ACOT7: variants seen among roughly 807,000 people sequenced by gnomAD.
ACOT7 encodes the protein acyl-CoA thioesterase 7, also known as cytosolic acyl coenzyme A thioester hydrolase.
Under a neutral mutation model 40.2 loss-of-function variants are expected in ACOT7, and 12 were observed. That is an observed-to-expected ratio of 0.30 (90% CI 0.19 to 0.48). The LOEUF (loss-of-function observed/expected upper bound fraction) is 0.48, where lower values mean the gene tolerates loss of function less well. Ranked by LOEUF, ACOT7 falls within the 20% of genes least tolerant of loss-of-function variation. The pLI, the probability that ACOT7 is intolerant of heterozygous loss-of-function variation, is 0.99. For missense variants in ACOT7, 395 were observed against 530.8 expected (o/e 0.74, Z 2.51); for synonymous variants, 228 against 219.5 (o/e 1.04, Z -0.34).
chr1:6,313,650 C>T (rs1348005554), intron 6 of ACOT7, among the ~76,000 whole-genome samples: 2 of 152,184 alleles, frequency 1.3e-5, no homozygotes, highest in African/African-American at 4.8e-5. Context: ...AATATGCCCT[C>T]CACCCCTTTG....
chr1:6,286,269 C>T (rs1292998996), intron 7 of ACOT7, among the ~76,000 whole-genome samples: 1 of 152,196 alleles, frequency 6.6e-6, no homozygotes, highest in African/African-American at 2.4e-5. Context: ...TCCCACTGAG[C>T]GGGCGGATCA....
intron 1 of ACOT7, among the ~76,000 whole-genome samples, chr1:6,389,044 A>G (rs1642489375): frequency 7.2e-6 from 1 of 138,296 alleles, no homozygotes; most frequent in Non-Finnish European, 1.6e-5. Context: ...CCGTCTCAAG[A>G]AAAAAAAAAA....
At chr1:6,327,881 C>A (rs1640849416) in intron 4 of ACOT7, among the ~76,000 whole-genome samples, 3 of 152,256 alleles carry the variant, frequency 2.0e-5, no homozygotes, top group African/African-American at 7.2e-5. Flanking sequence ...TCAAGTGATT[C>A]TCCTGCCTCA....
chr1:6,346,480 G>A (rs763147781), intron 2 of ACOT7, among the ~76,000 whole-genome samples: 17 of 152,248 alleles, frequency 1.1e-4, no homozygotes, highest in African/African-American at 1.4e-4. Context: ...CAGCAAGTCC[G>A]AGAAGAAGCA....
chr1:6,265,553 C>T (rs116369918), intron 8 of ACOT7, among the ~76,000 whole-genome samples: 18 of 152,298 alleles, frequency 1.2e-4, no homozygotes, highest in African/African-American at 4.3e-4. Context: ...GGGTTCTGCC[C>T]AGGACGGTCC....
intron 2 of ACOT7, among the ~76,000 whole-genome samples, chr1:6,344,465 A>G (rs944858056): frequency 9.2e-5 from 14 of 152,162 alleles, no homozygotes; most frequent in African/African-American, 3.4e-4. Flanking sequence ...CCAGCTTAAC[A>G]TACTAAAGAA....
Position 6,278,464 on chromosome 1 carries a change from G to A in ACOT7, c.1014+2638C>T, listed in dbSNP as rs1488492207. Among the ~76,000 whole-genome samples, 1 of 152,172 alleles carries A rather than the reference G, an allele frequency of 6.6e-6. No individual in the cohort carries two copies. The highest frequency in any genetic ancestry group is 2.4e-5 in the African/African-American group (1 of 41,416). ...TCGGGAGAGGAGTGGAGCGGCACTG[G>A]GTGGGCGTGGGCATGGGGGGAGTAG... On this transcript the variant is annotated intron_variant, in intron 8 of 8. Transcript: ENST00000361521. The surrounding 1 kb of genome is among the most constrained non-coding windows in gnomAD (Gnocchi z 4.1).
chr1:6,331,351 A>C (rs1209007946), intron 4 of ACOT7, among the ~76,000 whole-genome samples: 3 of 152,236 alleles, frequency 2.0e-5, no homozygotes, highest in Non-Finnish European at 4.4e-5. Flanking sequence ...TCCGGTAAGC[A>C]GGCCGTGCGA....
At chr1:6,324,748 G>C (rs1640751789) in intron 5 of ACOT7, among the ~76,000 whole-genome samples, 1 of 152,196 alleles carries the variant, frequency 6.6e-6, no homozygotes, top group Non-Finnish European at 1.5e-5. Flanking sequence ...GCCTCTTCTT[G>C]TCTCTTGCAA....
intron 8 of ACOT7, among the ~76,000 whole-genome samples, chr1:6,276,117 C>G (rs1336677957): frequency 6.6e-6 from 1 of 152,170 alleles, no homozygotes; most frequent in Non-Finnish European, 1.5e-5. Context: ...TCCTCAGGCC[C>G]AGGCTGGGAC....
In ACOT7 at chr1:6,372,437, G is replaced by C. The variant is rs151174374; in HGVS notation, c.143+20820C>G. The stretch of plus-strand genomic sequence containing the variant: ...TGGAGCAGCACTTGTAATTTCCTTC[G>C]AAGGACTTTTCCTTTGCATTCACAA... On this transcript the variant is annotated intron_variant, in intron 1 of 8. Coordinates refer to ENST00000361521, the MANE Select transcript of ACOT7 (RefSeq NM_007274.4). 1.7e-3 allele frequency among the ~76,000 whole-genome samples: 260 copies of C among 152,194 alleles called. 1 individual carries two copies. Among genetic ancestry groups the C allele is most frequent in the African/African-American group, 6.2e-3 (256 of 41,534 alleles).
chr1:6,356,952 T>G (rs1051387871), intron 1 of ACOT7, among the ~76,000 whole-genome samples: 5 of 146,190 alleles, frequency 3.4e-5, no homozygotes, highest in South Asian at 2.2e-4. Context: ...CGACTACACT[T>G]TTGTGGCTGG....
At chr1:6,312,141 G>A (rs1640349393) in intron 6 of ACOT7, among the ~76,000 whole-genome samples, 1 of 152,148 alleles carries the variant, frequency 6.6e-6, no homozygotes, top group South Asian at 2.1e-4. Flanking sequence ...CGGTAGAGCT[G>A]GTGGCCGGGG....
rs192136950 is a variant in ACOT7, at chr1:6,306,344, C to T, written c.713-11364G>A. The T allele has an allele frequency of 8.1e-6, 8 of 985,320 alleles. No individual in the cohort carries two copies. Among genetic ancestry groups the T allele is most frequent in the African/African-American group, 3.5e-5 (2 of 57,314 alleles). The allele number at this position is 985,320 out of a possible 1,614,324, so 61.0% of individuals were successfully genotyped here. ...GATGACGTGCTGGCCACCAGGGACC[C>T]GGCTGAGAGGAGGACCCAGTGTGGG... On this transcript the variant is annotated intron_variant, in intron 6 of 8. Transcript: ENST00000361521. The surrounding 1 kb of genome is among the most constrained non-coding windows in gnomAD (Gnocchi z 4.3).
intron 8 of ACOT7, among the ~76,000 whole-genome samples, chr1:6,271,377 C>T (rs1004345189): frequency 6.6e-6 from 1 of 152,142 alleles, no homozygotes; most frequent in South Asian, 2.1e-4. Flanking sequence ...TAGGAAGCCA[C>T]GTAGCATGCC....
chr1:6,264,726 A>T lies in ACOT7; in HGVS notation c.1015-31T>A, dbSNP rs1638765790. ...GACCACACACAGAGACAGGCAGGTTAGGGTCACTGCAGAACCAGTGCCGTG... is the reference window on the plus strand; with the variant it reads ...GACCACACACAGAGACAGGCAGGTTTGGGTCACTGCAGAACCAGTGCCGTG... On this transcript the variant is annotated intron_variant, in intron 8 of 8. Coordinates refer to ENST00000361521, the MANE Select transcript of ACOT7 (RefSeq NM_007274.4). The T allele has an allele frequency of 2.5e-6, 4 of 1,608,028 alleles. No homozygotes were observed. In the East Asian group the frequency reaches 8.9e-5, roughly 36 times the overall value.
At chr1:6,307,270 G>A (rs1350744535) in intron 6 of ACOT7, among the ~76,000 whole-genome samples, 2 of 152,230 alleles carry the variant, frequency 1.3e-5, no homozygotes, top group Admixed American at 6.5e-5. Context: ...CGTGCAGCCT[G>A]GCACAATCCT....
chr1:6,386,614 G>A (rs951401763), intron 1 of ACOT7, among the ~76,000 whole-genome samples: 1 of 152,172 alleles, frequency 6.6e-6, no homozygotes, highest in African/African-American at 2.4e-5. Context: ...CCAGCACTTT[G>A]GGAGGCCGAG....
At position 6,274,324 on chromosome 1, in the gene ACOT7, C is replaced by T. The variant is rs1007466309; in HGVS notation, c.1014+6778G>A. Among the ~76,000 whole-genome samples the T allele has an allele frequency of 5.3e-5, 8 of 152,244 alleles. No homozygotes were observed. The highest frequency in any genetic ancestry group is 6.5e-5 in the Admixed American group (1 of 15,286). The stretch of plus-strand genomic sequence containing the variant: ...TCTGTCTGCAGCCCCCACATCAGTG[C>T]GTCACAAAGCTGTGGCCCTCAGCAC... On this transcript the variant is annotated intron_variant, in intron 8 of 8. Transcript: ENST00000361521. This position sits in a 1 kb window ranked among gnomAD's most constrained non-coding sequence, Gnocchi z 5.9.
Sources: allele counts gnomAD v4.1 joint callset (sites outside exome capture counted in the v4.1 genomes callset), GRCh38; gene constraint gnomAD v4.1.1; non-coding constraint Gnocchi (gnomAD v3.1); transcripts MANE v1.5; gene names NCBI Gene and HGNC (gene_info 2026-07-23, HGNC 2026-07-21).